Variants in HIVEP2 observed in about 807,000 individuals in gnomAD.
HIVEP2 encodes transcription factor HIVEP2.
HIVEP2 carries 14 observed loss-of-function variants against 180.7 expected under a neutral mutation model. The observed-to-expected ratio is 0.08, with a 90% CI of 0.05 to 0.12. The LOEUF is 0.12. Ranked by LOEUF, HIVEP2 falls within the 10% of genes least tolerant of loss-of-function variation. HIVEP2 has a pLI of 1.00. For synonymous variants in HIVEP2, 1,184 were observed against 1,136.4 expected, an observed-to-expected ratio of 1.04 and a Z score of -0.84; for missense variants, 2,579 against 3,008.5, an observed-to-expected ratio of 0.86 and a Z score of 3.34.
At chr6:142,848,922 G>A (rs1376961195) in intron 1 of HIVEP2, among the ~76,000 whole-genome samples, 1 of 152,088 alleles carries the variant, frequency 6.6e-6, no homozygotes, top group African/African-American at 2.4e-5. Context: ...AGGTCCCAGA[G>A]GCTACATCTA....
chr6:142,904,181 T>C (rs2128426595), intron 1 of HIVEP2, among the ~76,000 whole-genome samples: 1 of 152,278 alleles, frequency 6.6e-6, no homozygotes, highest in Non-Finnish European at 1.5e-5. Flanking sequence ...TACCTCCAAA[T>C]GAAAAAGTGG....
chr6:142,901,929 A>T (rs148701690), intron 1 of HIVEP2, among the ~76,000 whole-genome samples: 1 of 152,342 alleles, frequency 6.6e-6, no homozygotes, highest in Non-Finnish European at 1.5e-5. Flanking sequence ...AGCTACACAC[A>T]ATATTAGTGC....
At chr6:142,883,316 G>C (rs1050419607) in intron 1 of HIVEP2, among the ~76,000 whole-genome samples, 1 of 151,806 alleles carries the variant, frequency 6.6e-6, no homozygotes, top group African/African-American at 2.4e-5. Flanking sequence ...TCAGCACGCA[G>C]CCTTGAAATT....
At chr6:142,884,097 C>T (rs1480110675) in intron 1 of HIVEP2, among the ~76,000 whole-genome samples, 1 of 151,974 alleles carries the variant, frequency 6.6e-6, no homozygotes, top group Non-Finnish European at 1.5e-5. Flanking sequence ...ATGTTCATGC[C>T]CACTTAACAG....
At chr6:142,900,560 A>G (rs1316191669) in intron 1 of HIVEP2, among the ~76,000 whole-genome samples, 1 of 152,202 alleles carries the variant, frequency 6.6e-6, no homozygotes, top group African/African-American at 2.4e-5. Context: ...AGACTGTGGA[A>G]AGAAGCAGCC....
chr6:142,824,777 A>G (rs919025845), intron 2 of HIVEP2, among the ~76,000 whole-genome samples: 16 of 152,334 alleles, frequency 1.1e-4, no homozygotes, highest in Middle Eastern at 3.4e-3. Flanking sequence ...CATCTCAGCC[A>G]GCTACAAAAC....
At chr6:142,873,805 G>T (rs976917913) in intron 1 of HIVEP2, among the ~76,000 whole-genome samples, 1 of 152,098 alleles carries the variant, frequency 6.6e-6, no homozygotes, top group East Asian at 1.9e-4. Context: ...AATAGATGAG[G>T]TGTTCCCTAG....
intron 2 of HIVEP2, among the ~76,000 whole-genome samples, chr6:142,798,064 G>A (rs1309374392): frequency 6.6e-6 from 1 of 152,070 alleles, no homozygotes; most frequent in Non-Finnish European, 1.5e-5. Flanking sequence ...GAAGCCATAA[G>A]GAATTCTCTC....
At chr6:142,929,747 G>T (rs1310716144) in intron 1 of HIVEP2, among the ~76,000 whole-genome samples, 2 of 152,198 alleles carry the variant, frequency 1.3e-5, no homozygotes, top group African/African-American at 4.8e-5. Context: ...TTTCATTCAG[G>T]ATTGGTTTCA....
At chr6:142,882,696 T>C (rs561252810) in intron 1 of HIVEP2, among the ~76,000 whole-genome samples, 1 of 152,112 alleles carries the variant, frequency 6.6e-6, no homozygotes, top group Non-Finnish European at 1.5e-5. Flanking sequence ...GCTTTAGCAA[T>C]GGGTCATTCC....
intron 2 of HIVEP2, among the ~76,000 whole-genome samples, chr6:142,784,507 T>G (rs1775936036): frequency 6.6e-6 from 1 of 152,178 alleles, no homozygotes; most frequent in Non-Finnish European, 1.5e-5. Flanking sequence ...GGACACCCTG[T>G]GCACTTGAGA....
intron 3 of HIVEP2, among the ~76,000 whole-genome samples, chr6:142,777,696 C>G (rs944846162): frequency 7.2e-6 from 1 of 138,048 alleles, no homozygotes; most frequent in African/African-American, 2.7e-5. Context: ...AAAGTGGAAC[C>G]TGGGATTCAG....
chr6:142,911,288 G>A (rs1489683247), intron 1 of HIVEP2, among the ~76,000 whole-genome samples: 1 of 152,134 alleles, frequency 6.6e-6, no homozygotes, highest in African/African-American at 2.4e-5. Context: ...TCTAAAACAA[G>A]TTTGGGGCAG....
intron 1 of HIVEP2, among the ~76,000 whole-genome samples, chr6:142,908,559 A>C (rs192616908): frequency 1.9e-3 from 291 of 152,252 alleles, no homozygotes; most frequent in African/African-American, 6.8e-3. Flanking sequence ...ACAGGTACTC[A>C]AATAATTGTT....
intron 1 of HIVEP2, among the ~76,000 whole-genome samples, chr6:142,933,812 C>T (rs1443925753): frequency 6.6e-6 from 1 of 152,156 alleles, no homozygotes; most frequent in Non-Finnish European, 1.5e-5. Context: ...AGCCACTTGA[C>T]CCATTTTAAA....
At chr6:142,945,702 G>A (rs1026929308), upstream of HIVEP2, among the ~76,000 whole-genome samples, 131 of 152,280 alleles carry the variant, frequency 8.6e-4, no homozygotes, top group African/African-American at 3.0e-3. The surrounding 1 kb of genome is among the most constrained non-coding windows in gnomAD (Gnocchi z 5.5). Context: ...AGTCACCGAA[G>A]ATGTTTGTGC....
chr6:142,761,452 T>G lies in HIVEP2; in HGVS notation c.5620+12A>C. On this transcript the variant is annotated intron_variant, in intron 8 of 9. Transcript: ENST00000367603. The stretch of plus-strand genomic sequence containing the variant: ...ATGAAGAGGTCTGTCAACTCATTTA[T>G]GACATACACACCTGCTTCCTCAGTT... The G allele has an allele frequency of 7.2e-7, 1 of 1,385,466 alleles. No homozygotes were observed. Among genetic ancestry groups the G allele is most frequent in the Non-Finnish European group, 1.0e-6 (1 of 971,202 alleles). 85.8% of individuals were successfully genotyped at this position (1,385,466 alleles called of 1,614,324 possible).
chr6:142,809,607 G>GTTTC (rs1348323997), intron 2 of HIVEP2, among the ~76,000 whole-genome samples: 1 of 151,792 alleles, frequency 6.6e-6, no homozygotes, highest in African/African-American at 2.4e-5. Flanking sequence ...TTGTTTGTTT[G>GTTTC]TTTTGAGATG....
intron 2 of HIVEP2, among the ~76,000 whole-genome samples, chr6:142,832,650 A>G (rs1775119925): frequency 6.6e-6 from 1 of 152,198 alleles, no homozygotes; most frequent in Non-Finnish European, 1.5e-5. Flanking sequence ...ACATAAAATA[A>G]AGATCTCTAT....
Sources: allele counts gnomAD v4.1 joint callset (sites outside exome capture counted in the v4.1 genomes callset), GRCh38; gene constraint gnomAD v4.1.1; non-coding constraint Gnocchi (gnomAD v3.1); transcripts MANE v1.5; gene names NCBI Gene and HGNC (gene_info 2026-07-23, HGNC 2026-07-21).